TMEM65: variants seen among roughly 807,000 people sequenced by gnomAD.
The protein encoded by TMEM65 is transmembrane protein 65.
TMEM65 carries 22 observed loss-of-function variants against 25.4 expected under a neutral mutation model. The observed-to-expected ratio is 0.86, with a 90% CI of 0.62 to 1.23. The LOEUF (loss-of-function observed/expected upper bound fraction) is 1.23. TMEM65 is among the 50% of genes most tolerant of loss of function. The probability of loss-of-function intolerance (pLI) is 0.00; values close to 1 mark genes in which losing one functional copy is unlikely to be tolerated. For missense variants in TMEM65, 262 were observed against 308.2 expected (o/e 0.85, Z 1.12); for synonymous variants, 132 against 126.2 (o/e 1.05, Z -0.31).
At chr8:124,363,836 C>CAAAAAAAAAA (rs869161640) in intron 1 of TMEM65, among the ~76,000 whole-genome samples, 13 of 55,718 alleles carry the variant, frequency 2.3e-4, no homozygotes, top group East Asian at 6.7e-4. Context: ...GACTCCGTCT[C>CAAAAAAAAAA]AAAAAAAAAA....
intron 1 of TMEM65, among the ~76,000 whole-genome samples, chr8:124,363,862 A>C (rs1814905389): frequency 6.7e-6 from 1 of 149,636 alleles, no homozygotes; most frequent in Non-Finnish European, 1.5e-5. Context: ...AAAAAAAAAA[A>C]AAAAACAAGA....
At chr8:124,346,407 G>GA (rs1448933857) in intron 1 of TMEM65, among the ~76,000 whole-genome samples, 3 of 152,030 alleles carry the variant, frequency 2.0e-5, no homozygotes, top group Non-Finnish European at 4.4e-5. Context: ...ATCTGAAAAA[G>GA]AAAGAGTCTT....
intron 1 of TMEM65, among the ~76,000 whole-genome samples, chr8:124,367,414 A>T (rs897558509): frequency 6.6e-6 from 1 of 152,186 alleles, no homozygotes; most frequent in Non-Finnish European, 1.5e-5. Flanking sequence ...ATGGAGTTGC[A>T]CTGAGCTGAG....
rs1008892314 is a variant in TMEM65 at position 124,312,681 on chromosome 8, C to T, written c.*1279G>A. On this transcript the variant is annotated 3_prime_UTR_variant, in exon 7 of 7. Coordinates refer to ENST00000297632, the MANE Select transcript of TMEM65 (RefSeq NM_194291.3). The stretch of plus-strand genomic sequence containing the variant: ...AGAAAACTAAAATTTATAATTCTTA[C>T]ATGGTTATACTTAAGCCAGAAGTAC... The T allele has an allele frequency of 6.6e-6, 1 of 151,746 alleles. No homozygotes were observed. The highest frequency in any genetic ancestry group is 6.6e-5 in the Admixed American group (1 of 15,242). The allele number at this position is 151,746 out of a possible 1,614,324, so 9.4% of individuals were successfully genotyped here. A position where few individuals can be genotyped will look rare whatever the true frequency, so the allele number is the denominator to read the frequency against.
chr8:124,347,068 T>C (rs1814647528), intron 1 of TMEM65, among the ~76,000 whole-genome samples: 1 of 151,982 alleles, frequency 6.6e-6, no homozygotes, highest in Non-Finnish European at 1.5e-5. Flanking sequence ...CACAGCAGTG[T>C]TTTTTTTAAA....
rs915872783 is a variant in TMEM65 at position 124,309,706 on chromosome 8, T to A, written c.*4254A>T. The A allele has an allele frequency of 5.3e-5, 8 of 152,206 alleles. No individual in the cohort carries two copies. The highest frequency in any genetic ancestry group is 5.2e-4 in the Admixed American group (8 of 15,286). 9.4% of individuals were successfully genotyped at this position (152,206 alleles called of 1,614,324 possible). On this transcript the variant is annotated 3_prime_UTR_variant, in exon 7 of 7. Coordinates refer to ENST00000297632, the MANE Select transcript of TMEM65 (RefSeq NM_194291.3). ...GGTACTTTCTATCCTCTTTATCTTG[T>A]TTCATTTATCTCTATAGAACTTACC... is the stretch of plus-strand genomic sequence containing the variant.
chr8:124,325,138 T>C (rs927397229), intron 3 of TMEM65, among the ~76,000 whole-genome samples: 13 of 151,852 alleles, frequency 8.6e-5, no homozygotes, highest in African/African-American at 3.1e-4. Context: ...TTTTTACGAC[T>C]ACAACTAGGG....
chr8:124,311,525 T>A lies in TMEM65; in HGVS notation c.*2435A>T, dbSNP rs1282885498. ...ATCATAATACATGGACAACACAAAT[T>A]TAAACAAACAGGACTAAAGTAGCTC... is the stretch of plus-strand genomic sequence containing the variant. On this transcript the variant is annotated 3_prime_UTR_variant, in exon 7 of 7. Coordinates refer to ENST00000297632, the MANE Select transcript of TMEM65 (RefSeq NM_194291.3). 2 of 152,590 alleles carry A rather than the reference T, an allele frequency of 1.3e-5. No individual in the cohort carries two copies. Among genetic ancestry groups the A allele is most frequent in the African/African-American group, 4.8e-5 (2 of 41,444 alleles). The allele number at this position is 152,590 out of a possible 1,614,324, so 9.5% of individuals were successfully genotyped here. A position where few individuals can be genotyped will look rare whatever the true frequency, so the allele number is the denominator to read the frequency against.
At chr8:124,327,671 AACACACACACAC>A (rs71289656) in intron 2 of TMEM65, among the ~76,000 whole-genome samples, 23 of 148,718 alleles carry the variant, frequency 1.5e-4, no homozygotes, top group East Asian at 4.0e-4. Flanking sequence ...TCTTACTGGT[AACACACACACAC>A]ACACACACAC....
chr8:124,329,373 AAAGCTACTT>A (rs1253221664), intron 2 of TMEM65, among the ~76,000 whole-genome samples: 6 of 152,022 alleles, frequency 3.9e-5, no homozygotes, highest in Non-Finnish European at 8.8e-5. Flanking sequence ...CAGTGAAGAG[AAAGCTACTT>A]AAGTACTGAA....
intron 1 of TMEM65, among the ~76,000 whole-genome samples, chr8:124,335,302 C>A (rs915462648): frequency 2.6e-5 from 4 of 152,096 alleles, no homozygotes; most frequent in African/African-American, 9.7e-5. Flanking sequence ...TTTCAGATAA[C>A]TGAAGCTATA....
At chr8:124,330,687 TAC>T (rs1209611035) in intron 2 of TMEM65, 59 bp downstream of exon 2, 2 of 1,475,334 alleles carry the variant, frequency 1.4e-6, no homozygotes, top group African/African-American at 1.4e-5. Context: ...CAATGAATGA[TAC>T]AGTTATTTCA....
chr8:124,353,286 C>A (rs10107757), intron 1 of TMEM65, among the ~76,000 whole-genome samples: 55,827 of 151,576 alleles, frequency 0.37, 10,553 homozygotes, highest in East Asian at 0.56. Flanking sequence ...GTGACAGGAG[C>A]AGTGGTGAAA....
At chr8:124,355,301 T>A (rs977828637) in intron 1 of TMEM65, among the ~76,000 whole-genome samples, 1 of 152,152 alleles carries the variant, frequency 6.6e-6, no homozygotes, top group African/African-American at 2.4e-5. Flanking sequence ...CTCATGCACA[T>A]AAAATTCAGC....
At position 124,313,800 on chromosome 8, in the gene TMEM65, A is replaced by C; in HGVS notation, c.*160T>G. 1 of 590,560 alleles carries C rather than the reference A, an allele frequency of 1.7e-6. No individual in the cohort carries two copies. Among genetic ancestry groups the C allele is most frequent in the Non-Finnish European group, 3.0e-6 (1 of 335,372 alleles). 36.6% of individuals were successfully genotyped at this position (590,560 alleles called of 1,614,324 possible). On this transcript the variant is annotated 3_prime_UTR_variant, in exon 7 of 7. Transcript: ENST00000297632. ...ACAGCTTTTTAAAAAAGATGTCCTA[A>C]GAAGATCAAGCCACAATAAGTTAGT...
chr8:124,333,470 C>CGCGTGTGTGTGTGTGCGCGT (rs1554589074), intron 1 of TMEM65, among the ~76,000 whole-genome samples: 294 of 149,242 alleles, frequency 2.0e-3, no homozygotes, highest in African/African-American at 6.8e-3. Context: ...TGTGTGTGTG[C>CGCGTGTGTGTGTGTGCGCGT]GTGTGTGTGT....
intron 1 of TMEM65, among the ~76,000 whole-genome samples, chr8:124,336,936 A>G (rs7002456): frequency 0.9 from 136,566 of 151,772 alleles, 61,560 homozygotes; most frequent in East Asian, 1. Context: ...GAATGAAAGA[A>G]GGGGCATCAT....
rs187207475 is a variant in TMEM65 at position 124,327,214 on chromosome 8, T to C, written c.417+140A>G. Reference sequence around the variant, plus strand: ...AAATATAGCTTAATTAAAATTGAGCTATAGTCTGAGATATAGTAAAAAATA... The same window carrying C: ...AAATATAGCTTAATTAAAATTGAGCCATAGTCTGAGATATAGTAAAAAATA... On this transcript the variant is annotated intron_variant, in intron 3 of 6. Transcript: ENST00000297632. 8.5e-4 allele frequency: 523 copies of C among 615,924 alleles called. 1 individual carries two copies. The highest frequency in any genetic ancestry group is 7.6e-3 in the African/African-American group (388 of 51,242). 38.2% of individuals were successfully genotyped at this position (615,924 alleles called of 1,614,324 possible). A position where few individuals can be genotyped will look rare whatever the true frequency, so the allele number is the denominator to read the frequency against.
At position 124,372,181 on chromosome 8, in the gene TMEM65, C is replaced by T. The variant is rs1317078333; in HGVS notation, c.-24G>A. ...ATGGCGAGCTGAGGAGCTGGGACCC[C>T]CGCGGCCGTCCGGCAAGGCGGTTTC... On this transcript the variant is annotated 5_prime_UTR_variant, in exon 1 of 7. Coordinates refer to ENST00000297632, the MANE Select transcript of TMEM65 (RefSeq NM_194291.3). 7.7e-7 allele frequency: 1 copy of T among 1,304,714 alleles called. No individual in the cohort carries two copies. 80.8% of individuals were successfully genotyped at this position (1,304,714 alleles called of 1,614,324 possible).
Sources: gnomAD v4.1 joint callset for allele counts (sites outside exome capture counted in the v4.1 genomes callset) on GRCh38, gnomAD v4.1.1 for gene constraint, MANE v1.5 for transcripts, NCBI Gene and HGNC (gene_info 2026-07-23, HGNC 2026-07-21) for gene names.